The following CSMD1 variants were observed in gnomAD, a reference collection of about 807,000 sequenced individuals.
CSMD1 encodes CUB and Sushi multiple domains 1, also known as CUB and sushi domain-containing protein 1.
Under a neutral mutation model 417.5 loss-of-function variants are expected in CSMD1, and 213 were observed. The ratio of observed to expected loss-of-function variants is 0.51; its 90% CI spans 0.46 to 0.57. The LOEUF (loss-of-function observed/expected upper bound fraction) is 0.57, where lower values mean the gene tolerates loss of function less well. Ranked by LOEUF, CSMD1 falls within the 20% of genes least tolerant of loss-of-function variation. The pLI is 0.00. For synonymous variants in CSMD1, 2,862 were observed against 1,736.8 expected, an observed-to-expected ratio of 1.65 and a Z score of -16.11; for missense variants, 6,923 against 4,529.7, an observed-to-expected ratio of 1.53 and a Z score of -15.17.
chr8:4,095,917 G>C (rs984025436), intron 3 of CSMD1, among the ~76,000 whole-genome samples: 1 of 152,078 alleles, frequency 6.6e-6, no homozygotes. Flanking sequence ...TTTTGTTTCA[G>C]TTATTTAAAT....
At chr8:3,866,428 T>C (rs927187974) in intron 5 of CSMD1, among the ~76,000 whole-genome samples, 1 of 152,196 alleles carries the variant, frequency 6.6e-6, no homozygotes, top group African/African-American at 2.4e-5. Context: ...GCGTTTCCAA[T>C]TTGATTACCT....
intron 5 of CSMD1, among the ~76,000 whole-genome samples, chr8:3,759,107 T>C (rs1047483534): frequency 6.6e-6 from 1 of 152,250 alleles, no homozygotes; most frequent in Admixed American, 6.5e-5. Flanking sequence ...ATCTATTTAC[T>C]GAACATAATA....
chr8:4,103,125 G>A (rs1037913989), intron 3 of CSMD1, among the ~76,000 whole-genome samples: 1 of 152,108 alleles, frequency 6.6e-6, no homozygotes, highest in African/African-American at 2.4e-5. Context: ...CTGAACACGA[G>A]TTAACAGTTA....
chr8:3,830,714 C>A (rs966614832), intron 5 of CSMD1, among the ~76,000 whole-genome samples: 1 of 152,132 alleles, frequency 6.6e-6, no homozygotes. Context: ...CCCAGACCTG[C>A]TGAACTTTGT....
In CSMD1 at chr8:3,224,503, C is replaced by T. The variant is rs532177890; in HGVS notation, c.4346-636G>A. On this transcript the variant is annotated intron_variant, in intron 27 of 69. Coordinates refer to ENST00000635120, the MANE Select transcript of CSMD1 (RefSeq NM_033225.6). ...TATGGAAGGCTTGAATTACTTTCCC[C>T]ATATTTCAAAGTGGCAAAACAAACC... Among the ~76,000 whole-genome samples the T allele has an allele frequency of 1.1e-4, 16 of 152,292 alleles. No individual in the cohort carries two copies. The South Asian group carries it at 1.7e-3, about 16-fold the overall frequency.
intron 5 of CSMD1, among the ~76,000 whole-genome samples, chr8:3,942,729 C>G (rs185918230): frequency 8.5e-4 from 130 of 152,200 alleles, no homozygotes; most frequent in African/African-American, 2.8e-3. Context: ...AACATACGCT[C>G]AAAATACTAA....
chr8:3,778,560 T>C (rs2623658), intron 5 of CSMD1, among the ~76,000 whole-genome samples: 37,776 of 152,058 alleles, frequency 0.25, 5,134 homozygotes, highest in African/African-American at 0.35. Context: ...GCCTGGGGTT[T>C]ATTTTCTGAG....
intron 12 of CSMD1, among the ~76,000 whole-genome samples, chr8:3,446,742 G>C (rs1815332303): frequency 6.6e-6 from 1 of 152,216 alleles, no homozygotes; most frequent in Non-Finnish European, 1.5e-5. Flanking sequence ...AAAATGCATA[G>C]GATGAGGTTA....
At chr8:4,277,227 A>G (rs1261766205) in intron 3 of CSMD1, among the ~76,000 whole-genome samples, 1 of 152,134 alleles carries the variant, frequency 6.6e-6, no homozygotes, top group Non-Finnish European at 1.5e-5. Flanking sequence ...ACACACAGAC[A>G]CATACATACT....
At chr8:3,822,404 T>C (rs1029296647) in intron 5 of CSMD1, among the ~76,000 whole-genome samples, 1 of 152,204 alleles carries the variant, frequency 6.6e-6, no homozygotes, top group African/African-American at 2.4e-5. Flanking sequence ...TCTGAAACCT[T>C]GGGCATTTTT....
intron 3 of CSMD1, among the ~76,000 whole-genome samples, chr8:4,055,270 A>G (rs1798633183): frequency 6.6e-6 from 1 of 152,154 alleles, no homozygotes; most frequent in South Asian, 2.1e-4. Context: ...AGGTTAAACA[A>G]TTTTTGTATT....
At chr8:3,312,482 ATTTGGCCATTCTAGAGATCAG>A (rs1805426236) in intron 23 of CSMD1, among the ~76,000 whole-genome samples, 1 of 152,162 alleles carries the variant, frequency 6.6e-6, no homozygotes, top group Non-Finnish European at 1.5e-5. Flanking sequence ...AGTTGAAAGT[ATTTGGCCATTCTAGAGATCAG>A]TTTTCCAATT....
chr8:3,899,984 G>A (rs758079089), intron 5 of CSMD1, among the ~76,000 whole-genome samples: 2 of 152,378 alleles, frequency 1.3e-5, no homozygotes, highest in East Asian at 1.9e-4. Context: ...TTGTTGAGCT[G>A]CAGCTACAGC....
intron 9 of CSMD1, among the ~76,000 whole-genome samples, chr8:3,579,688 C>T (rs1213638246): frequency 6.6e-6 from 1 of 152,196 alleles, no homozygotes; most frequent in Non-Finnish European, 1.5e-5. Flanking sequence ...GTAGCTGTCT[C>T]ATCTTAACTT....
intron 7 of CSMD1, among the ~76,000 whole-genome samples, chr8:3,635,818 A>C (rs1344292052): frequency 2.7e-5 from 4 of 150,578 alleles, no homozygotes; most frequent in African/African-American, 9.8e-5. Context: ...AAAAAAAAGA[A>C]AGAAAGAAAG....
intron 1 of CSMD1, among the ~76,000 whole-genome samples, chr8:4,858,300 C>T (rs957270647): frequency 6.6e-6 from 1 of 151,604 alleles, no homozygotes; most frequent in Admixed American, 6.6e-5. Context: ...AAACCCACAG[C>T]CAATATCATA....
chr8:4,167,101 C>A (rs948369363), intron 3 of CSMD1, among the ~76,000 whole-genome samples: 6 of 152,072 alleles, frequency 3.9e-5, no homozygotes, highest in Admixed American at 1.3e-4. Context: ...AATGTAAAAC[C>A]CTCAACTTCC....
In CSMD1 at chr8:3,274,546, T is replaced by C. The variant is rs1167400352; in HGVS notation, c.4153+9598A>G. On this transcript the variant is annotated intron_variant, in intron 26 of 69. Coordinates refer to ENST00000635120, the MANE Select transcript of CSMD1 (RefSeq NM_033225.6). Reference sequence around the variant, plus strand: ...AGTGGGGTGTTAAAGTCTCCCATTATTAATGTGTGGGAGTCTAAGTCTCTT... The same window carrying C: ...AGTGGGGTGTTAAAGTCTCCCATTACTAATGTGTGGGAGTCTAAGTCTCTT... Among the ~76,000 whole-genome samples, 5 of 152,298 alleles carry C rather than the reference T, an allele frequency of 3.3e-5. No homozygotes were observed. In the East Asian group the frequency reaches 5.8e-4, roughly 18 times the overall value.
intron 2 of CSMD1, among the ~76,000 whole-genome samples, chr8:4,631,712 A>C (rs551034400): frequency 6.6e-6 from 1 of 152,342 alleles, no homozygotes; most frequent in East Asian, 1.9e-4. Flanking sequence ...ATTCTATTTT[A>C]ACAACACTTA....
Sources: gnomAD v4.1 joint callset for allele counts (sites outside exome capture counted in the v4.1 genomes callset) on GRCh38, gnomAD v4.1.1 for gene constraint, MANE v1.5 for transcripts, NCBI Gene and HGNC (gene_info 2026-07-23, HGNC 2026-07-21) for gene names.